LGSN: variants seen among roughly 807,000 people sequenced by gnomAD.
LGSN encodes the protein lengsin.
In LGSN, 21 loss-of-function variants were observed where a neutral mutation model predicts 19.5. The observed-to-expected ratio is 1.07, with a 90% CI of 0.76 to 1.55. The LOEUF (loss-of-function observed/expected upper bound fraction) is 1.55, where lower values mean the gene tolerates loss of function less well. LGSN is among the 40% of genes most tolerant of loss of function. LGSN has a pLI of 0.00. For synonymous variants in LGSN, 257 were observed against 215.6 expected, an observed-to-expected ratio of 1.19 and a Z score of -1.68; for missense variants, 673 against 608.5, an observed-to-expected ratio of 1.11 and a Z score of -1.12.
chr6:63,539,264 A>T, the LGSN span, among the ~76,000 whole-genome samples: 7 of 152,324 alleles, frequency 4.6e-5, 1 homozygote, highest in African/African-American at 1.7e-4. Context: ...CATAACATGT[A>T]ATATTAACAA....
the LGSN span, among the ~76,000 whole-genome samples, chr6:63,393,771 G>A: frequency 7.9e-5 from 12 of 151,964 alleles, no homozygotes; most frequent in East Asian, 5.8e-4. Context: ...TTAAACCTTC[G>A]CTCTTAAACT....
the LGSN span, chr6:63,549,417 C>G: frequency 5.3e-6 from 4 of 751,136 alleles, no homozygotes; most frequent in Non-Finnish European, 9.7e-6. Flanking sequence ...GTTTCTCAAA[C>G]AGGGGATTCA....
the LGSN span, among the ~76,000 whole-genome samples, chr6:63,357,696 A>C: frequency 7.2e-5 from 11 of 151,810 alleles, no homozygotes; most frequent in African/African-American, 2.7e-4. Context: ...TTTTTCTTGT[A>C]AATTTGTTTG....
the LGSN span, among the ~76,000 whole-genome samples, chr6:63,332,704 G>T: frequency 6.6e-6 from 1 of 152,138 alleles, no homozygotes; most frequent in Non-Finnish European, 1.5e-5. Context: ...GGAAAGACAG[G>T]ACAGAAGAGC....
At chr6:63,298,595 A>G (rs890937624) in intron 1 of LGSN, among the ~76,000 whole-genome samples, 6 of 152,232 alleles carry the variant, frequency 3.9e-5, no homozygotes, top group African/African-American at 1.4e-4. Context: ...TTCAATATAA[A>G]AATGGAATCC....
At chr6:63,407,084 A>G in the LGSN span, among the ~76,000 whole-genome samples, 5 of 152,054 alleles carry the variant, frequency 3.3e-5, no homozygotes, top group African/African-American at 4.8e-5. Flanking sequence ...ATTCACAGCC[A>G]AATTCTACCA....
the LGSN span, among the ~76,000 whole-genome samples, chr6:63,330,047 G>A: frequency 2.6e-4 from 40 of 152,302 alleles, no homozygotes; most frequent in South Asian, 5.2e-3. Flanking sequence ...ATGAGCTGGC[G>A]CTTGCCCCAG....
the LGSN span, among the ~76,000 whole-genome samples, chr6:63,328,316 C>T: frequency 1.3e-5 from 2 of 152,202 alleles, no homozygotes; most frequent in African/African-American, 4.8e-5. Flanking sequence ...AATTTGTTGG[C>T]AGTCATGCTC....
chr6:63,533,608 G>A, the LGSN span, among the ~76,000 whole-genome samples: 38 of 152,148 alleles, frequency 2.5e-4, no homozygotes, highest in African/African-American at 8.9e-4. Flanking sequence ...CAGTTTTATG[G>A]CTGAGGGACT....
chr6:63,465,722 T>C, the LGSN span, among the ~76,000 whole-genome samples: 1 of 152,192 alleles, frequency 6.6e-6, no homozygotes, highest in Non-Finnish European at 1.5e-5. Context: ...GAACCCATTA[T>C]TAAACTTTCA....
At chr6:63,565,721 G>A in the LGSN span, among the ~76,000 whole-genome samples, 1 of 152,148 alleles carries the variant, frequency 6.6e-6, no homozygotes, top group South Asian at 2.1e-4. Flanking sequence ...AAGCTTATTT[G>A]CTCATTGGAA....
the LGSN span, among the ~76,000 whole-genome samples, chr6:63,358,208 C>A: frequency 6.6e-6 from 1 of 152,184 alleles, no homozygotes; most frequent in African/African-American, 2.4e-5. Flanking sequence ...GTTTTGCTAC[C>A]AGTACCATGC....
chr6:63,436,291 G>A, the LGSN span, among the ~76,000 whole-genome samples: 17 of 152,016 alleles, frequency 1.1e-4, no homozygotes, highest in African/African-American at 3.4e-4. Flanking sequence ...TTATAGAGAC[G>A]GGTTTTCACC....
chr6:63,555,091 A>G, the LGSN span, among the ~76,000 whole-genome samples: 1 of 152,112 alleles, frequency 6.6e-6, no homozygotes, highest in Non-Finnish European at 1.5e-5. Flanking sequence ...ATTTCTTTTC[A>G]TCTTTCCACT....
At chr6:63,509,402 G>A in the LGSN span, among the ~76,000 whole-genome samples, 1 of 151,996 alleles carries the variant, frequency 6.6e-6, no homozygotes, top group Non-Finnish European at 1.5e-5. Context: ...TTAATAAAAT[G>A]GGAAAATGTT....
At chr6:63,549,241 G>A in the LGSN span, 1 of 739,712 alleles carries the variant, frequency 1.4e-6, no homozygotes, top group Non-Finnish European at 2.5e-6. Flanking sequence ...GCAGCTGTTT[G>A]GTGGTCCAGG....
the LGSN span, among the ~76,000 whole-genome samples, chr6:63,553,878 T>G: frequency 6.6e-6 from 1 of 152,146 alleles, no homozygotes; most frequent in East Asian, 1.9e-4. Context: ...GTCAGGTTAT[T>G]CAAAAGGTTA....
chr6:63,564,379 T>C, the LGSN span, among the ~76,000 whole-genome samples: 2 of 152,168 alleles, frequency 1.3e-5, no homozygotes, highest in Non-Finnish European at 2.9e-5. Flanking sequence ...TACACGAAGA[T>C]AGCAACGTTT....
chr6:63,352,000 G>A, the LGSN span, among the ~76,000 whole-genome samples: 1 of 152,154 alleles, frequency 6.6e-6, no homozygotes, highest in African/African-American at 2.4e-5. Flanking sequence ...TGACCTCGTA[G>A]ATATGGTACT....
Sources: gnomAD v4.1 joint callset for allele counts (sites outside exome capture counted in the v4.1 genomes callset) on GRCh38, gnomAD v4.1.1 for gene constraint, MANE v1.5 for transcripts, NCBI Gene and HGNC (gene_info 2026-07-23, HGNC 2026-07-21) for gene names.